Variants in PLCE1 observed in about 807,000 individuals in gnomAD.
PLCE1 encodes phospholipase C epsilon 1.
Under a neutral mutation model 242.8 loss-of-function variants are expected in PLCE1, and 119 were observed. The observed-to-expected ratio is 0.49, with a 90% CI of 0.42 to 0.57. The LOEUF is 0.57. Ranked by LOEUF, PLCE1 falls within the 20% of genes least tolerant of loss-of-function variation. PLCE1 has a pLI of 0.00. For synonymous variants in PLCE1, 945 were observed against 1,017.4 expected, an observed-to-expected ratio of 0.93 and a Z score of 1.35; for missense variants, 2,441 against 2,788.8, an observed-to-expected ratio of 0.88 and a Z score of 2.81.
At chr10:94,042,916 G>A (rs546854593) in intron 2 of PLCE1, among the ~76,000 whole-genome samples, 45 of 152,246 alleles carry the variant, frequency 3.0e-4, no homozygotes, top group African/African-American at 9.9e-4. Flanking sequence ...TACTGGCAAC[G>A]TATGTTAGTA....
chr10:94,299,257 T>C (rs1192902849), intron 24 of PLCE1, among the ~76,000 whole-genome samples: 2 of 152,230 alleles, frequency 1.3e-5, no homozygotes, highest in African/African-American at 4.8e-5. Flanking sequence ...GAGTAGAAGC[T>C]GCCGTTTATT....
chr10:94,187,622 A>T (rs993797910), intron 4 of PLCE1, among the ~76,000 whole-genome samples: 1 of 152,112 alleles, frequency 6.6e-6, no homozygotes, highest in Non-Finnish European at 1.5e-5. Context: ...TTGGCCACAG[A>T]TTCCTCAAGG....
At chr10:94,235,779 T>C in intron 6 of PLCE1, 136 bp from the exon 7 acceptor site, 2 of 1,461,384 alleles carry the variant, frequency 1.4e-6, no homozygotes, top group South Asian at 2.8e-5. Flanking sequence ...ATGTTTTTCC[T>C]GGAGGCTCTT....
intron 4 of PLCE1, among the ~76,000 whole-genome samples, chr10:94,193,905 G>A (rs1016474361): frequency 2.0e-5 from 3 of 152,206 alleles, no homozygotes; most frequent in East Asian, 3.8e-4. Context: ...CCAACCAATG[G>A]ATGAGATAAG....
chr10:94,275,335 G>A (rs2051903382), intron 19 of PLCE1, among the ~76,000 whole-genome samples: 1 of 152,078 alleles, frequency 6.6e-6, no homozygotes, highest in African/African-American at 2.4e-5. Context: ...ACAGGATATG[G>A]TTGCTAAGAC....
Position 94,137,302 on chromosome 10 carries a change from AT to A in PLCE1, c.1492+4845del, listed in dbSNP as rs2046813147. Among the ~76,000 whole-genome samples the A allele has an allele frequency of 1.4e-4, 22 of 152,350 alleles. No individual in the cohort carries two copies. In the South Asian group the frequency reaches 4.6e-3, roughly 32 times the overall value. On this transcript the variant is annotated intron_variant, in intron 3 of 32. Coordinates refer to ENST00000371380, the MANE Select transcript of PLCE1 (RefSeq NM_016341.4). The stretch of plus-strand genomic sequence containing the variant: ...TATAGCAGTGGCAGTCAAAAGAATT[AT>A]TGACTTCGATAATTAGGAAGAAATT...
chr10:94,092,541 A>G (rs1191747930), intron 2 of PLCE1, among the ~76,000 whole-genome samples: 1 of 152,196 alleles, frequency 6.6e-6, no homozygotes, highest in Non-Finnish European at 1.5e-5. Context: ...AGAGAAACCC[A>G]CCTAGAAAGC....
chr10:94,189,056 G>T (rs1338457848), intron 4 of PLCE1, among the ~76,000 whole-genome samples: 2 of 148,252 alleles, frequency 1.3e-5, no homozygotes, highest in Non-Finnish European at 3.0e-5. Context: ...ATACCCTTTT[G>T]CAGCTCTTTC....
intron 2 of PLCE1, among the ~76,000 whole-genome samples, chr10:94,090,644 C>A (rs1048290645): frequency 6.6e-6 from 1 of 152,116 alleles, no homozygotes; most frequent in African/African-American, 2.4e-5. Flanking sequence ...CAAATGTTTT[C>A]ATTAGATGTA....
At chr10:94,211,291 G>A (rs1425965561) in intron 4 of PLCE1, among the ~76,000 whole-genome samples, 7 of 152,200 alleles carry the variant, frequency 4.6e-5, no homozygotes, top group African/African-American at 1.7e-4. Context: ...GGCCTACAGA[G>A]GGAGGGCAGG....
At chr10:94,121,925 T>C (rs1445605540) in intron 2 of PLCE1, among the ~76,000 whole-genome samples, 2 of 152,100 alleles carry the variant, frequency 1.3e-5, no homozygotes, top group Non-Finnish European at 2.9e-5. Flanking sequence ...GAGGCCACAC[T>C]GGACATTTCC....
chr10:94,108,353 C>G (rs1275372913), intron 2 of PLCE1: 2 of 152,240 alleles, frequency 1.3e-5, no homozygotes, highest in African/African-American at 4.8e-5. Flanking sequence ...CACCGAGCTA[C>G]TTACTTCACC....
chr10:94,217,577 A>C (rs1425078108), intron 4 of PLCE1, among the ~76,000 whole-genome samples: 1 of 152,216 alleles, frequency 6.6e-6, no homozygotes, highest in Non-Finnish European at 1.5e-5. Context: ...CATTCAATTC[A>C]ATTAACTATG....
intron 1 of PLCE1, among the ~76,000 whole-genome samples, 69 bp downstream of exon 1, chr10:93,994,327 C>G (rs1030400652): frequency 4.6e-5 from 7 of 152,210 alleles, no homozygotes; most frequent in South Asian, 4.1e-4. Context: ...GGTTCTCTCC[C>G]AAGGCAGTCG....
chr10:94,077,334 C>T (rs2044534555), intron 2 of PLCE1, among the ~76,000 whole-genome samples: 1 of 152,198 alleles, frequency 6.6e-6, no homozygotes, highest in African/African-American at 2.4e-5. Flanking sequence ...CAGCACCTCA[C>T]AAAGCATTAT....
chr10:94,171,838 C>A (rs1564754230), intron 4 of PLCE1, among the ~76,000 whole-genome samples: 1 of 152,116 alleles, frequency 6.6e-6, no homozygotes, highest in African/African-American at 2.4e-5. Context: ...TTTAAAACCA[C>A]ATGTCTCAAT....
intron 2 of PLCE1, among the ~76,000 whole-genome samples, chr10:94,115,086 A>G (rs1399551517): frequency 1.3e-5 from 2 of 152,194 alleles, no homozygotes; most frequent in East Asian, 3.9e-4. Context: ...GTCCCTACAA[A>G]GGACATGAAC....
chr10:94,258,636 A>G (rs1263533541), intron 11 of PLCE1, among the ~76,000 whole-genome samples, 164 bp from the exon 12 acceptor site: 2 of 152,204 alleles, frequency 1.3e-5, no homozygotes, highest in Admixed American at 1.3e-4. Flanking sequence ...CTCTGATACA[A>G]TATAGGTTAA....
Position 94,329,011 on chromosome 10 carries a change from T to A in PLCE1, c.*1068T>A, listed in dbSNP as rs1377170827. 1 of 152,226 alleles carries A rather than the reference T, an allele frequency of 6.6e-6. No individual in the cohort carries two copies. Among genetic ancestry groups the A allele is most frequent in the Non-Finnish European group, 1.5e-5 (1 of 68,040 alleles). The allele number at this position is 152,226 out of a possible 1,614,324, so 9.4% of individuals were successfully genotyped here. A position where few individuals can be genotyped will look rare whatever the true frequency, so the allele number is the denominator to read the frequency against. ...TGCAAGGTTTGTACTGACACTATAC[T>A]TATATATTTATTATACATCGCTCTC... is the stretch of plus-strand genomic sequence containing the variant. On this transcript the variant is annotated 3_prime_UTR_variant, in exon 33 of 33. Transcript: ENST00000371380.
Sources: allele counts gnomAD v4.1 joint callset (sites outside exome capture counted in the v4.1 genomes callset), GRCh38; gene constraint gnomAD v4.1.1; transcripts MANE v1.5; gene names NCBI Gene and HGNC (gene_info 2026-07-23, HGNC 2026-07-21).